The following SLC30A9 variants were observed in gnomAD, a reference collection of about 807,000 sequenced individuals.
SLC30A9 encodes the protein solute carrier family 30 member 9.
Under a neutral mutation model 87.5 loss-of-function variants are expected in SLC30A9, and 58 were observed. The observed-to-expected ratio is 0.66, with a 90% confidence interval of 0.54 to 0.82. SLC30A9 has a LOEUF of 0.82. Among genes scored for constraint, SLC30A9 ranks in the 40% least tolerant of loss-of-function variants. The probability of loss-of-function intolerance (pLI) is 0.00; values close to 1 mark genes in which losing one functional copy is unlikely to be tolerated. For missense variants in SLC30A9, 557 were observed against 679.1 expected, an observed-to-expected ratio of 0.82 and a Z score of 2.00; for synonymous variants, 234 against 233.0, an observed-to-expected ratio of 1.00 and a Z score of -0.04.
chr4:42,023,389 G>C lies in SLC30A9; in HGVS notation c.610+5G>C. Reference sequence around the variant, plus strand: ...CAGAAATAGAATACAGAGAAAGTAAGTATATTCAATTTAAAGTCAAGTTAA... The same window carrying C: ...CAGAAATAGAATACAGAGAAAGTAACTATATTCAATTTAAAGTCAAGTTAA... On this transcript the variant is annotated splice_donor_5th_base_variant and intron_variant, in intron 6 of 17. Transcript: ENST00000264451. The C allele has an allele frequency of 1.3e-6, 2 of 1,554,374 alleles. No homozygotes were observed. The highest frequency in any genetic ancestry group is 1.8e-6 in the Non-Finnish European group (2 of 1,125,802).
chr4:42,055,354 C>A (rs906380118), intron 9 of SLC30A9, among the ~76,000 whole-genome samples: 1 of 151,524 alleles, frequency 6.6e-6, no homozygotes, highest in Non-Finnish European at 1.5e-5. Flanking sequence ...TAAATTAGAC[C>A]TGTGTCTCTA....
At chr4:42,067,868 T>G (rs1265141057) in intron 14 of SLC30A9, among the ~76,000 whole-genome samples, 1 of 152,158 alleles carries the variant, frequency 6.6e-6, no homozygotes, top group Non-Finnish European at 1.5e-5. Context: ...TCTGGTTCCT[T>G]CCTGTGTCCT....
intron 14 of SLC30A9, chr4:42,070,187 AG>A (rs1718252480): frequency 5.8e-6 from 1 of 171,794 alleles, no homozygotes; most frequent in Non-Finnish European, 1.2e-5. Flanking sequence ...GTGTAGGAAA[AG>A]TGCTATGGAT....
In SLC30A9 at chr4:42,086,101, G is replaced by A. The variant is rs761237924; in HGVS notation, c.1682G>A (p.Arg561Gln). The A allele has an allele frequency of 7.3e-6, 11 of 1,511,120 alleles. No homozygotes were observed. Among genetic ancestry groups the A allele is most frequent in the South Asian group, 1.3e-5 (1 of 76,550 alleles). The allele number at this position is 1,511,120 out of a possible 1,614,324, so 93.6% of individuals were successfully genotyped here. ...TTCCAGAAACGAAATCCTGAAGTTC[G>A]ACATGTAGATTTGGAGATACTGTGA... ...KELKKRNPEVRHVDLEIL is the reference protein window; with the variant it reads ...KELKKRNPEVQHVDLEIL The change falls in exon 18 of 18, where the codon CGA (arginine) becomes CAA (glutamine). Residue 561 changes from arginine (R) to glutamine (Q), a missense_variant. By Grantham distance (43) the Arg-to-Gln change is conservative. This residue lies in a region of SLC30A9 where 90 missense variants were observed against 149.4 expected (regional missense o/e 0.60). Coordinates refer to ENST00000264451, the MANE Select transcript of SLC30A9 (RefSeq NM_006345.4).
intron 6 of SLC30A9, among the ~76,000 whole-genome samples, chr4:42,023,834 A>AG (rs1351357449): frequency 1.3e-5 from 2 of 152,144 alleles, no homozygotes; most frequent in African/African-American, 2.4e-5. Flanking sequence ...TCATGGCGCA[A>AG]GGGGAAGCAG....
At chr4:41,995,558 T>G (rs1041425072) in intron 1 of SLC30A9, among the ~76,000 whole-genome samples, 1 of 152,168 alleles carries the variant, frequency 6.6e-6, no homozygotes, top group Non-Finnish European at 1.5e-5. Context: ...ATGGGCTATT[T>G]CATTCGATAA....
intron 9 of SLC30A9, among the ~76,000 whole-genome samples, chr4:42,054,385 C>T (rs561461782): frequency 6.6e-6 from 1 of 152,088 alleles, no homozygotes; most frequent in East Asian, 1.9e-4. Flanking sequence ...ACTGTACATT[C>T]AGGATTTGTG....
chr4:42,031,289 C>A (rs1426166451), intron 6 of SLC30A9, among the ~76,000 whole-genome samples: 1 of 151,810 alleles, frequency 6.6e-6, no homozygotes, highest in African/African-American at 2.4e-5. Context: ...CAGAAGACAT[C>A]TGCAGCAGAT....
intron 9 of SLC30A9, among the ~76,000 whole-genome samples, chr4:42,058,773 C>T (rs890633245): frequency 1.3e-5 from 2 of 152,216 alleles, no homozygotes; most frequent in African/African-American, 4.8e-5. Context: ...TTCACTAGCA[C>T]AAGAACAGCA....
At chr4:42,014,555 C>A (rs1490028847) in intron 2 of SLC30A9, among the ~76,000 whole-genome samples, 172 of 129,126 alleles carry the variant, frequency 1.3e-3, no homozygotes, top group South Asian at 1.5e-3. Context: ...GACTCCGTCG[C>A]AAAAAAAAAA....
chr4:42,066,968 A>G (rs952148387), intron 13 of SLC30A9, 117 bp from the exon 14 acceptor site: 25 of 659,356 alleles, frequency 3.8e-5, no homozygotes, highest in Non-Finnish European at 5.3e-5. Flanking sequence ...TCTCTCATAC[A>G]CTTTTTTATC....
At chr4:42,002,947 A>C (rs1473451105) in intron 2 of SLC30A9, among the ~76,000 whole-genome samples, 1 of 152,080 alleles carries the variant, frequency 6.6e-6, no homozygotes, top group Non-Finnish European at 1.5e-5. Flanking sequence ...TTCTGTTATT[A>C]ATTGTCAGTT....
chr4:42,082,835 A>C (rs1338534704), intron 17 of SLC30A9, among the ~76,000 whole-genome samples: 1 of 151,382 alleles, frequency 6.6e-6, no homozygotes, highest in Non-Finnish European at 1.5e-5. Context: ...GTGACAGAGC[A>C]AGACTCCATC....
At position 42,070,655 on chromosome 4, in the gene SLC30A9, G is replaced by A. The variant is rs549295310; in HGVS notation, c.1382G>A (p.Arg461Gln). Residue 461 changes from arginine to glutamine, a missense_variant, in exon 15 of 18, where the codon CGG becomes CAG. Around this residue, in one of 2 missense-constraint regions of SLC30A9, gnomAD observed 90 missense variants for 149.4 expected, o/e 0.60. Transcript: ENST00000264451. Reference sequence around the variant, plus strand: ...TCCATCCAGCCAGAACAAGTACAACGGCTCACTGAACTCCTGGAGAATGAC... The same window carrying A: ...TCCATCCAGCCAGAACAAGTACAACAGCTCACTGAACTCCTGGAGAATGAC... ...GRSIQPEQVQRLTELLENDPS... is the reference protein window; with the variant it reads ...GRSIQPEQVQQLTELLENDPS... The A allele has an allele frequency of 1.5e-4, 245 of 1,613,820 alleles. 1 individual carries two copies. The South Asian group carries it at 2.5e-3, about 16-fold the overall frequency.
chr4:42,039,610 G>A (rs758141770), intron 8 of SLC30A9, among the ~76,000 whole-genome samples: 1 of 151,750 alleles, frequency 6.6e-6, no homozygotes. Flanking sequence ...TTATAGGTGC[G>A]CGCCATCATG....
At chr4:42,018,253 A>G (rs1715803728) in intron 3 of SLC30A9, 83 bp downstream of exon 3, 5 of 812,734 alleles carry the variant, frequency 6.2e-6, no homozygotes, top group South Asian at 5.0e-5. Flanking sequence ...AGCTCTTTAT[A>G]GTTATATTAT....
chr4:42,054,291 G>A (rs1462761487), intron 9 of SLC30A9, among the ~76,000 whole-genome samples: 2 of 152,134 alleles, frequency 1.3e-5, no homozygotes, highest in African/African-American at 4.8e-5. Flanking sequence ...CCGGGAGGCA[G>A]AGGTTGCAGT....
At position 42,078,206 on chromosome 4, in the gene SLC30A9, T is replaced by G; in HGVS notation, c.1549-6T>G. ...ATTTATTTTCCTGTTTTCATTTTCT[T>G]TATAGGAAATTCAAGAAGTGAAAAC... On this transcript the variant is annotated splice_region_variant and splice_polypyrimidine_tract_variant and intron_variant, in intron 16 of 17. Coordinates refer to ENST00000264451, the MANE Select transcript of SLC30A9 (RefSeq NM_006345.4). The G allele has an allele frequency of 7.3e-7, 1 of 1,378,512 alleles. No individual in the cohort carries two copies. Among genetic ancestry groups the G allele is most frequent in the Non-Finnish European group, 1.0e-6 (1 of 994,676 alleles). The allele number at this position is 1,378,512 out of a possible 1,614,324, so 85.4% of individuals were successfully genotyped here.
chr4:41,993,283 TG>T (rs1714536426), intron 1 of SLC30A9, among the ~76,000 whole-genome samples: 1 of 152,028 alleles, frequency 6.6e-6, no homozygotes, highest in Admixed American at 6.5e-5. Flanking sequence ...ATCATCTTTT[TG>T]TACTGTCTTT....
Sources: gnomAD v4.1 joint callset for allele counts (sites outside exome capture counted in the v4.1 genomes callset) on GRCh38, gnomAD v4.1.1 for gene constraint, gnomAD v4.1.1 regional missense constraint, MANE v1.5 for transcripts, NCBI Gene and HGNC (gene_info 2026-07-23, HGNC 2026-07-21) for gene names.